NEGR1: variants seen among roughly 807,000 people sequenced by gnomAD.
NEGR1 encodes neuronal growth regulator 1, also known as IgLON family member 4.
NEGR1 carries 10 observed loss-of-function variants against 40.9 expected under a neutral mutation model. The observed-to-expected ratio is 0.24, with a 90% CI of 0.15 to 0.42. The LOEUF (loss-of-function observed/expected upper bound fraction) is 0.42. NEGR1 is among the 10% of genes least tolerant of loss of function. The probability of loss-of-function intolerance (pLI) is 1.00; values close to 1 mark genes in which losing one functional copy is unlikely to be tolerated. For missense variants in NEGR1, 352 were observed against 438.9 expected, an observed-to-expected ratio of 0.80 and a Z score of 1.77; for synonymous variants, 185 against 166.8, an observed-to-expected ratio of 1.11 and a Z score of -0.84.
At chr1:71,855,227 C>T (rs978862909) in intron 2 of NEGR1, among the ~76,000 whole-genome samples, 2 of 152,070 alleles carry the variant, frequency 1.3e-5, no homozygotes, top group Non-Finnish European at 1.5e-5. Context: ...AACTGCAACC[C>T]GTTTTATTTT....
intron 1 of NEGR1, among the ~76,000 whole-genome samples, chr1:72,015,411 C>G (rs993754051): frequency 2.6e-5 from 4 of 151,722 alleles, no homozygotes; most frequent in Admixed American, 6.6e-5. Context: ...GTATCCATAA[C>G]TATGCTATTC....
intron 1 of NEGR1, among the ~76,000 whole-genome samples, chr1:72,019,598 G>A (rs1646739910): frequency 6.6e-6 from 1 of 152,210 alleles, no homozygotes; most frequent in African/African-American, 2.4e-5. Flanking sequence ...TAGAAACTTT[G>A]AGATAGTAAA....
intron 1 of NEGR1, among the ~76,000 whole-genome samples, chr1:72,026,350 C>T (rs1228680778): frequency 6.7e-6 from 1 of 149,710 alleles, no homozygotes; most frequent in Non-Finnish European, 1.5e-5. Flanking sequence ...AAACTAAAAC[C>T]CTTGTCTCTA....
chr1:71,636,774 C>G (rs1414602390), intron 4 of NEGR1, among the ~76,000 whole-genome samples: 1 of 151,866 alleles, frequency 6.6e-6, no homozygotes, highest in Non-Finnish European at 1.5e-5. Flanking sequence ...CAATGGAGAC[C>G]TTAATAATAA....
At position 71,701,296 on chromosome 1, in the gene NEGR1, G is replaced by C. The variant is rs1405154006; in HGVS notation, c.536-3157C>G. Among the ~76,000 whole-genome samples, 3 of 151,850 alleles carry C rather than the reference G, an allele frequency of 2.0e-5. No homozygotes were observed. The East Asian group carries it at 5.8e-4, about 29-fold the overall frequency. ...TTTTTCAGGTTGTAGGGAGAATTAA[G>C]TTTCCTGATGTTGCAGCAGTGAAGT... On this transcript the variant is annotated intron_variant, in intron 3 of 6. Coordinates refer to ENST00000357731, the MANE Select transcript of NEGR1 (RefSeq NM_173808.3).
intron 6 of NEGR1, among the ~76,000 whole-genome samples, chr1:71,437,739 A>G (rs1646519108): frequency 6.6e-6 from 1 of 152,228 alleles, no homozygotes; most frequent in South Asian, 2.1e-4. Flanking sequence ...TGACTTCACC[A>G]TGAAAATTAA....
intron 6 of NEGR1, among the ~76,000 whole-genome samples, chr1:71,417,057 G>T (rs1646360655): frequency 6.6e-6 from 1 of 152,148 alleles, no homozygotes; most frequent in South Asian, 2.1e-4. Context: ...GATTCTCTGT[G>T]CTTCCATCTC....
At chr1:71,746,026 G>C (rs955678911) in intron 3 of NEGR1, among the ~76,000 whole-genome samples, 1 of 152,160 alleles carries the variant, frequency 6.6e-6, no homozygotes, top group Non-Finnish European at 1.5e-5. Flanking sequence ...GGTTGCATTA[G>C]ATCATTCCCT....
chr1:72,123,287 T>G (rs1172161670), intron 1 of NEGR1, among the ~76,000 whole-genome samples: 1 of 151,872 alleles, frequency 6.6e-6, no homozygotes, highest in South Asian at 2.1e-4. Flanking sequence ...TTTAAATGTA[T>G]AGTAGATAAT....
intron 6 of NEGR1, among the ~76,000 whole-genome samples, chr1:71,415,445 C>T (rs375413621): frequency 3.9e-5 from 6 of 152,040 alleles, no homozygotes; most frequent in East Asian, 3.9e-4. Context: ...CCTATCTACT[C>T]AGCATCAATT....
At chr1:71,549,366 C>T (rs1047404955) in intron 6 of NEGR1, among the ~76,000 whole-genome samples, 4 of 151,588 alleles carry the variant, frequency 2.6e-5, no homozygotes, top group East Asian at 2.0e-4. Flanking sequence ...TTCAACTTGG[C>T]GGGGAAAGAG....
At chr1:71,636,479 T>C (rs1407084790) in intron 4 of NEGR1, among the ~76,000 whole-genome samples, 1 of 152,100 alleles carries the variant, frequency 6.6e-6, no homozygotes, top group Non-Finnish European at 1.5e-5. Context: ...ACTGAAAGTA[T>C]AGAATTATTA....
intron 1 of NEGR1, among the ~76,000 whole-genome samples, chr1:72,258,211 C>T (rs954363039): frequency 6.6e-6 from 1 of 152,082 alleles, no homozygotes; most frequent in African/African-American, 2.4e-5. Context: ...TTTCAAAACT[C>T]AAGGAGGTGG....
intron 4 of NEGR1, among the ~76,000 whole-genome samples, chr1:71,661,425 G>A (rs1449855257): frequency 1.3e-5 from 2 of 152,148 alleles, no homozygotes; most frequent in Non-Finnish European, 2.9e-5. Context: ...TGTAAAGGAT[G>A]AGTATTCTAC....
At chr1:72,139,254 C>T (rs918404916) in intron 1 of NEGR1, among the ~76,000 whole-genome samples, 31 of 115,078 alleles carry the variant, frequency 2.7e-4, no homozygotes, top group African/African-American at 7.8e-4. Context: ...CCAGAAAAAG[C>T]GAAAAAAAAA....
rs189509444 is a variant in NEGR1, at chr1:71,545,841, C to A, written c.940+46976G>T. On this transcript the variant is annotated intron_variant, in intron 6 of 6. Transcript: ENST00000357731. The stretch of plus-strand genomic sequence containing the variant: ...GAATTTCTCTCTAACTCCTCCCATG[C>A]ATATATTTCTATATTTTGGATCCTA... 1.7e-3 allele frequency among the ~76,000 whole-genome samples: 260 copies of A among 151,738 alleles called. 3 individuals carry two copies. Among genetic ancestry groups the A allele is most frequent in the Middle Eastern group, 6.8e-3 (2 of 294 alleles).
chr1:72,055,464 C>T (rs1247238177), intron 1 of NEGR1, among the ~76,000 whole-genome samples: 1 of 150,914 alleles, frequency 6.6e-6, no homozygotes, highest in Non-Finnish European at 1.5e-5. Flanking sequence ...TGTGTTCTTT[C>T]CTTTGACCTT....
Position 72,226,707 on chromosome 1 carries a change from A to G in NEGR1, c.176+55612T>C, listed in dbSNP as rs147474387. ...CCTCAAATATTATTCATTGATAAAA[A>G]TGGTATTCCCATCCATAATGCTTTT... is the stretch of plus-strand genomic sequence containing the variant. On this transcript the variant is annotated intron_variant, in intron 1 of 6. Transcript: ENST00000357731. Among the ~76,000 whole-genome samples the G allele has an allele frequency of 1.4e-3, 217 of 152,198 alleles. 3 individuals are homozygous for G. Among genetic ancestry groups the G allele is most frequent in the Middle Eastern group, 3.4e-3 (1 of 294 alleles).
chr1:71,896,283 C>T (rs952874693), intron 2 of NEGR1, among the ~76,000 whole-genome samples: 5 of 152,022 alleles, frequency 3.3e-5, no homozygotes, highest in African/African-American at 1.2e-4. Flanking sequence ...AGTGATCCAC[C>T]CGCCTGGGCC....
Sources: gnomAD v4.1 joint callset for allele counts (sites outside exome capture counted in the v4.1 genomes callset) on GRCh38, gnomAD v4.1.1 for gene constraint, MANE v1.5 for transcripts, NCBI Gene and HGNC (gene_info 2026-07-23, HGNC 2026-07-21) for gene names.